CYLD: variants seen among roughly 807,000 people sequenced by gnomAD.
The protein encoded by CYLD is ubiquitin carboxyl-terminal hydrolase CYLD.
In CYLD, 26 loss-of-function variants were observed where a neutral mutation model predicts 104.5. The observed-to-expected ratio is 0.25, with a 90% CI of 0.18 to 0.35. The LOEUF is 0.35. Among genes scored for constraint, CYLD ranks in the 10% least tolerant of loss-of-function variants. The probability of loss-of-function intolerance (pLI) is 1.00; values close to 1 mark genes in which losing one functional copy is unlikely to be tolerated. For synonymous variants in CYLD, 385 were observed against 399.9 expected, an observed-to-expected ratio of 0.96 and a Z score of 0.45; for missense variants, 703 against 1,136.1, an observed-to-expected ratio of 0.62 and a Z score of 5.48.
intron 5 of CYLD, among the ~76,000 whole-genome samples, chr16:50,756,559 G>C (rs532353728): frequency 8.5e-4 from 130 of 152,254 alleles, no homozygotes; most frequent in Non-Finnish European, 1.5e-3. Flanking sequence ...AATTTCTGTT[G>C]ATAACAGCAT....
At chr16:50,786,982 G>A (rs533681520) in intron 13 of CYLD, 36 bp downstream of exon 13, 11 of 1,488,380 alleles carry the variant, frequency 7.4e-6, no homozygotes, top group Admixed American at 6.7e-5. Context: ...AAAAATAACT[G>A]AAGAGCATAT....
rs537447263 is a variant in CYLD at position 50,779,355 on chromosome 16, G to C, written c.1139-310G>C. ...ATAGAAGCGTTTCTTAAGGTTTTCGGTATCTTTTTGTACTGCCTTCTCAAT... is the reference window on the plus strand; with the variant it reads ...ATAGAAGCGTTTCTTAAGGTTTTCGCTATCTTTTTGTACTGCCTTCTCAAT... On this transcript the variant is annotated intron_variant, in intron 8 of 18. Coordinates refer to ENST00000427738, the MANE Select transcript of CYLD (RefSeq NM_001378743.1). Among the ~76,000 whole-genome samples, 132 of 151,988 alleles carry C rather than the reference G, an allele frequency of 8.7e-4. No individual in the cohort carries two copies. In the South Asian group the frequency reaches 0.026, roughly 30 times the overall value.
chr16:50,763,772 A>G (rs1968203429), intron 5 of CYLD, among the ~76,000 whole-genome samples: 1 of 152,158 alleles, frequency 6.6e-6, no homozygotes, highest in South Asian at 2.1e-4. Flanking sequence ...TCTAAATACA[A>G]TATTGAATAG....
intron 5 of CYLD, among the ~76,000 whole-genome samples, chr16:50,756,567 C>T (rs369943965): frequency 1.3e-5 from 2 of 152,286 alleles, no homozygotes; most frequent in Non-Finnish European, 1.5e-5. Context: ...TTGATAACAG[C>T]ATCAACAGTT....
At chr16:50,792,755 C>A in intron 16 of CYLD, 50 bp downstream of exon 16, 1 of 995,162 alleles carries the variant, frequency 1.0e-6, no homozygotes, top group Non-Finnish European at 1.6e-6. Flanking sequence ...TGGAAATTGT[C>A]AGATAATTCT....
chr16:50,745,362 G>GTTTTTTT (rs535675323), intron 2 of CYLD, among the ~76,000 whole-genome samples: 22 of 78,746 alleles, frequency 2.8e-4, no homozygotes, highest in African/African-American at 7.0e-4. Flanking sequence ...TTTCCTCTTT[G>GTTTTTTT]TTTTTTTTTT....
intron 17 of CYLD, 142 bp downstream of exon 17, chr16:50,793,806 C>T (rs1372404061): frequency 2.9e-6 from 2 of 693,252 alleles, no homozygotes; most frequent in African/African-American, 1.8e-5. Context: ...TTGCTTTTGC[C>T]TTTTCTGTTT....
Position 50,782,363 on chromosome 16 carries a change from A to G in CYLD, c.1723A>G (p.Thr575Ala). 11 of 1,613,410 alleles carry G rather than the reference A, an allele frequency of 6.8e-6. No individual in the cohort carries two copies. The highest frequency in any genetic ancestry group is 8.5e-6 in the Non-Finnish European group (10 of 1,179,382). Residue 575 changes from threonine (T) to alanine (A), a missense_variant, in exon 11 of 19, where the codon ACT (threonine) becomes GCT (alanine). Coordinates refer to ENST00000427738, the MANE Select transcript of CYLD (RefSeq NM_001378743.1). ...GYLSEVVEEN[T>A]PPKMEKEGLE... ...CTTAAGTGAAGTAGTAGAAGAAAAT[A>G]CTCCACCAAAAATGGAAAAAGAAGG...
At chr16:50,764,493 C>T (rs1268228634) in intron 5 of CYLD, among the ~76,000 whole-genome samples, 1 of 152,146 alleles carries the variant, frequency 6.6e-6, no homozygotes, top group Non-Finnish European at 1.5e-5. Flanking sequence ...CCTTGTGTTC[C>T]TATTTTCATC....
chr16:50,749,859 C>G lies in CYLD; in HGVS notation c.161C>G (p.Ser54Cys). Residue 54 changes from serine (S) to cysteine (C), a missense_variant, in exon 3 of 19, where the codon TCT becomes TGT. Physicochemically the swap from Ser to Cys is moderately radical, Grantham distance 112. Coordinates refer to ENST00000427738, the MANE Select transcript of CYLD (RefSeq NM_001378743.1). ...GSIGQYIQDRSVGHSRIPSAK... is the reference protein window; with the variant it reads ...GSIGQYIQDRCVGHSRIPSAK... ...ATAGGACAGTATATTCAAGATCGTT[C>G]TGTGGGGCATTCAAGGATTCCTTCT... is the stretch of plus-strand genomic sequence containing the variant. 6.2e-7 allele frequency: 1 copy of G among 1,614,112 alleles called. No homozygotes were observed. Among genetic ancestry groups the G allele is most frequent in the Non-Finnish European group, 8.5e-7 (1 of 1,180,012 alleles).
chr16:50,788,206 G>GAAGTGTTTCTGTCTACTCATC (rs1567454593), intron 14 of CYLD, among the ~76,000 whole-genome samples: 4 of 152,036 alleles, frequency 2.6e-5, no homozygotes, highest in Non-Finnish European at 1.5e-5. Flanking sequence ...ACTTCAAGAA[G>GAAGTGTTTCTGTCTACTCATC]ACTGTTTTCT....
In CYLD at chr16:50,777,949, G is replaced by A. The variant is rs1161909267; in HGVS notation, c.1138+8G>A. The A allele has an allele frequency of 7.2e-7, 1 of 1,387,186 alleles. No individual in the cohort carries two copies. The highest frequency in any genetic ancestry group is 2.3e-5 in the East Asian group (1 of 43,608). 85.9% of individuals were successfully genotyped at this position (1,387,186 alleles called of 1,614,324 possible). A position where few individuals can be genotyped will look rare whatever the true frequency, so the allele number is the denominator to read the frequency against. On this transcript the variant is annotated splice_region_variant and intron_variant, in intron 8 of 18. Coordinates refer to ENST00000427738, the MANE Select transcript of CYLD (RefSeq NM_001378743.1). The stretch of plus-strand genomic sequence containing the variant: ...CATGGTACATTGATGAAGGTAATCA[G>A]TAATTTTAGTGTTCTTTATAATGAT...
chr16:50,756,802 C>G (rs1021565318), intron 5 of CYLD, among the ~76,000 whole-genome samples: 1 of 152,146 alleles, frequency 6.6e-6, no homozygotes, highest in African/African-American at 2.4e-5. Flanking sequence ...TTAATGATCC[C>G]CATTTCGCTG....
intron 18 of CYLD, chr16:50,795,805 T>C: frequency 3.6e-6 from 2 of 557,742 alleles, no homozygotes; most frequent in South Asian, 4.6e-5. Flanking sequence ...CAGAGGAGCC[T>C]TTCCTGGAAT....
chr16:50,788,277 C>T (rs948815337), intron 14 of CYLD, among the ~76,000 whole-genome samples: 7 of 152,132 alleles, frequency 4.6e-5, no homozygotes, highest in African/African-American at 1.7e-4. Context: ...AGTTGTATAA[C>T]TTTGTCTCCC....
intron 5 of CYLD, among the ~76,000 whole-genome samples, chr16:50,774,860 A>G (rs1010750175): frequency 6.6e-6 from 1 of 152,236 alleles, no homozygotes; most frequent in African/African-American, 2.4e-5. Context: ...GTATTAGTAC[A>G]TAGCTTTTCT....
intron 9 of CYLD, 62 bp from the exon 10 acceptor site, chr16:50,781,184 G>A (rs2089003241): frequency 6.3e-7 from 1 of 1,589,478 alleles, no homozygotes; most frequent in Non-Finnish European, 8.6e-7. Flanking sequence ...AGAAACCTTA[G>A]TTCTTTGTAT....
chr16:50,775,271 C>T lies in CYLD; in HGVS notation c.922+97C>T, dbSNP rs375658778. On this transcript the variant is annotated intron_variant, in intron 6 of 18. Transcript: ENST00000427738. ...ACTGCCTCTTCTACATTCCCTTGAT[C>T]AGTATTTAGGAGTATTCTATGATCA... 2.4e-5 allele frequency: 23 copies of T among 955,204 alleles called. No individual in the cohort carries two copies. The African/African-American group carries it at 3.2e-4, about 13-fold the overall frequency. 59.2% of individuals were successfully genotyped at this position (955,204 alleles called of 1,614,324 possible). A position where few individuals can be genotyped will look rare whatever the true frequency, so the allele number is the denominator to read the frequency against.
chr16:50,775,543 T>C (rs897616860), intron 6 of CYLD, among the ~76,000 whole-genome samples: 1 of 152,226 alleles, frequency 6.6e-6, no homozygotes, highest in Admixed American at 6.5e-5. Flanking sequence ...TATATGTTCT[T>C]AACCAGAACT....
Sources: gnomAD v4.1 joint callset for allele counts (sites outside exome capture counted in the v4.1 genomes callset) on GRCh38, gnomAD v4.1.1 for gene constraint, MANE v1.5 for transcripts, NCBI Gene and HGNC (gene_info 2026-07-23, HGNC 2026-07-21) for gene names.